KLHL28: variants seen among roughly 807,000 people sequenced by gnomAD.
KLHL28 encodes the protein kelch-like protein 28.
Under a neutral mutation model 48.3 loss-of-function variants are expected in KLHL28, and 22 were observed. That is an observed-to-expected ratio of 0.46 (90% CI 0.33 to 0.65). The LOEUF (loss-of-function observed/expected upper bound fraction) is 0.65. KLHL28 is among the 30% of genes least tolerant of loss of function. The pLI is 0.03. For synonymous variants in KLHL28, 243 were observed against 242.4 expected (o/e 1.00, Z -0.02); for missense variants, 527 against 704.3 (o/e 0.75, Z 2.85).
At position 44,934,106 on chromosome 14, in the gene KLHL28, G is replaced by C. The variant is rs1178806872; in HGVS notation, c.1343+9C>G. ...TAAACATATGCAATTTAATTATTAAGTTAAATACCTGTTCATGTGGGCAGG... is the reference window on the plus strand; with the variant it reads ...TAAACATATGCAATTTAATTATTAACTTAAATACCTGTTCATGTGGGCAGG... On this transcript the variant is annotated intron_variant, in intron 3 of 4. Coordinates refer to ENST00000396128, the MANE Select transcript of KLHL28 (RefSeq NM_017658.5). 1 of 1,570,686 alleles carries C rather than the reference G, an allele frequency of 6.4e-7. No individual in the cohort carries two copies. The highest frequency in any genetic ancestry group is 8.7e-7 in the Non-Finnish European group (1 of 1,153,288).
intron 2 of KLHL28, among the ~76,000 whole-genome samples, chr14:44,942,699 C>A (rs1227512436): frequency 6.6e-6 from 1 of 152,110 alleles, no homozygotes; most frequent in African/African-American, 2.4e-5. Flanking sequence ...GTACATTCCT[C>A]GTGACCTTTC....
At chr14:44,933,469 C>T (rs1411544647) in intron 3 of KLHL28, among the ~76,000 whole-genome samples, 1 of 151,978 alleles carries the variant, frequency 6.6e-6, no homozygotes, top group African/African-American at 2.4e-5. Context: ...AACCACCACA[C>T]CTGGCCAAAG....
intron 2 of KLHL28, among the ~76,000 whole-genome samples, chr14:44,943,069 T>C (rs962738385): frequency 7.2e-5 from 11 of 152,192 alleles, no homozygotes; most frequent in African/African-American, 2.7e-4. Context: ...AATTTTATTA[T>C]GATAGATTCT....
Position 44,945,537 on chromosome 14 carries a change from T to C in KLHL28, c.392A>G (p.Gln131Arg). The change falls in exon 2 of 5, where the codon CAA becomes CGA. Residue 131 changes from glutamine (Q) to arginine (R), a missense_variant. Coordinates refer to ENST00000396128, the MANE Select transcript of KLHL28 (RefSeq NM_017658.5). ...TCCAATACAATTACCAGGATCAAGT[T>C]GGCTTTCAAGAAATGCACAACATTC... is the stretch of plus-strand genomic sequence containing the variant. ...LKECCAFLES[Q>R]LDPGNCIGIS... The C allele has an allele frequency of 6.2e-7, 1 of 1,614,210 alleles. No homozygotes were observed. Among genetic ancestry groups the C allele is most frequent in the Non-Finnish European group, 8.5e-7 (1 of 1,180,038 alleles).
chr14:44,947,655 T>C lies in KLHL28; in HGVS notation c.1-1727A>G, dbSNP rs954479708. Among the ~76,000 whole-genome samples the C allele has an allele frequency of 2.8e-4, 42 of 152,216 alleles. 1 individual carries two copies. Among genetic ancestry groups the C allele is most frequent in the African/African-American group, 8.2e-4 (34 of 41,470 alleles). ...ATAAATTCAAACATTTTGAACACTATTGAGAGAGTATAGCACTTCATTCTT... is the reference window on the plus strand; with the variant it reads ...ATAAATTCAAACATTTTGAACACTACTGAGAGAGTATAGCACTTCATTCTT... On this transcript the variant is annotated intron_variant, in intron 1 of 4. Coordinates refer to ENST00000396128, the MANE Select transcript of KLHL28 (RefSeq NM_017658.5).
At chr14:44,947,015 C>T (rs1884366979) in intron 1 of KLHL28, among the ~76,000 whole-genome samples, 1 of 152,090 alleles carries the variant, frequency 6.6e-6, no homozygotes, top group African/African-American at 2.4e-5. Context: ...AATAATGGCT[C>T]CCCAAATGAC....
intron 1 of KLHL28, among the ~76,000 whole-genome samples, chr14:44,948,557 A>G (rs759759765): frequency 2.0e-5 from 3 of 152,132 alleles, no homozygotes; most frequent in Non-Finnish European, 4.4e-5. Flanking sequence ...GATTCTCTAA[A>G]GTATAAAGTT....
intron 1 of KLHL28, among the ~76,000 whole-genome samples, chr14:44,957,791 A>C (rs1884855472): frequency 1.3e-5 from 2 of 152,178 alleles, no homozygotes; most frequent in African/African-American, 2.4e-5. Flanking sequence ...TGTAATTCTT[A>C]AATATTCTAT....
chr14:44,933,310 TTTC>T (rs1418780847), intron 3 of KLHL28, among the ~76,000 whole-genome samples: 3 of 147,070 alleles, frequency 2.0e-5, no homozygotes, highest in African/African-American at 7.5e-5. Context: ...CTTTTCTTTC[TTTC>T]TTTTTTTTTT....
At chr14:44,954,308 A>G (rs1375281678) in intron 1 of KLHL28, among the ~76,000 whole-genome samples, 1 of 152,238 alleles carries the variant, frequency 6.6e-6, no homozygotes, top group Non-Finnish European at 1.5e-5. Context: ...ACTGGCAAAA[A>G]TGTATAAAGA....
intron 2 of KLHL28, among the ~76,000 whole-genome samples, chr14:44,940,557 C>G (rs1368409031): frequency 2.6e-5 from 4 of 152,164 alleles, no homozygotes; most frequent in Non-Finnish European, 5.9e-5. Flanking sequence ...AAGTTACCTA[C>G]CCAATCCCCA....
chr14:44,931,041 T>C (rs138985688), intron 4 of KLHL28, among the ~76,000 whole-genome samples: 296 of 152,332 alleles, frequency 1.9e-3, no homozygotes, highest in African/African-American at 6.8e-3. Flanking sequence ...ATTTGTTACA[T>C]GGACAAAAGG....
At chr14:44,948,511 G>A (rs1008556407) in intron 1 of KLHL28, among the ~76,000 whole-genome samples, 3 of 152,016 alleles carry the variant, frequency 2.0e-5, no homozygotes, top group Non-Finnish European at 4.4e-5. Context: ...CATAAAATAA[G>A]AATACCCCAC....
chr14:44,937,580 G>A (rs1883879120), intron 2 of KLHL28, among the ~76,000 whole-genome samples: 1 of 152,210 alleles, frequency 6.6e-6, no homozygotes, highest in South Asian at 2.1e-4. Context: ...GATTTCTGGA[G>A]ATGATTTAGC....
rs956548451 is a variant in KLHL28, at chr14:44,955,972, A to C, written c.-1+5874T>G. On this transcript the variant is annotated intron_variant, in intron 1 of 4. Coordinates refer to ENST00000396128, the MANE Select transcript of KLHL28 (RefSeq NM_017658.5). ...AGATATTTTAAATGCATGAGTTAAT[A>C]ATGATACTTAAAAAAAGTCCTAATG... Among the ~76,000 whole-genome samples, 4 of 152,232 alleles carry C rather than the reference A, an allele frequency of 2.6e-5. No individual in the cohort carries two copies. The South Asian group carries it at 6.2e-4, about 24-fold the overall frequency.
chr14:44,945,309 T>A lies in KLHL28; in HGVS notation c.620A>T (p.Lys207Met), dbSNP rs756096774. The change falls in exon 2 of 5, where the codon AAG (lysine) becomes ATG (methionine). Residue 207 changes from lysine (K) to methionine (M), a missense_variant. Coordinates refer to ENST00000396128, the MANE Select transcript of KLHL28 (RefSeq NM_017658.5). Reference sequence around the variant, plus strand: ...TTTCTGGCGTTCTTGTACATCATACTTGATCCAAGACTCTAATGCATAAAA... The same window carrying A: ...TTTCTGGCGTTCTTGTACATCATACATGATCCAAGACTCTAATGCATAAAA... Reference protein sequence around the residue: ...TVFYALESWIKYDVQERQKYL... With the variant: ...TVFYALESWIMYDVQERQKYL... 1.2e-6 allele frequency: 2 copies of A among 1,614,172 alleles called. No homozygotes were observed. The highest frequency in any genetic ancestry group is 3.3e-5 in the Admixed American group (2 of 60,024).
At chr14:44,952,951 A>T (rs899949278) in intron 1 of KLHL28, among the ~76,000 whole-genome samples, 6 of 152,108 alleles carry the variant, frequency 3.9e-5, no homozygotes, top group Non-Finnish European at 1.5e-5. Context: ...TAAAAGCATT[A>T]ATTTTAGAGT....
chr14:44,936,915 G>A (rs1165285303), intron 2 of KLHL28, among the ~76,000 whole-genome samples: 1 of 152,158 alleles, frequency 6.6e-6, no homozygotes. Flanking sequence ...TCCTGAAAGG[G>A]ACAAAGACTC....
Position 44,945,302 on chromosome 14 carries a change from A to T in KLHL28, c.627T>A (p.Asp209Glu). Residue 209 changes from aspartate (D) to glutamate (E), a missense_variant, in exon 2 of 5, where the codon GAT becomes GAA. By Grantham distance (45) the Asp-to-Glu change is conservative. Coordinates refer to ENST00000396128, the MANE Select transcript of KLHL28 (RefSeq NM_017658.5). ...CTAAGTATTTCTGGCGTTCTTGTAC[A>T]TCATACTTGATCCAAGACTCTAATG... ...FYALESWIKY[D>E]VQERQKYLAQ... 1.9e-6 allele frequency: 3 copies of T among 1,614,186 alleles called. No homozygotes were observed. Among genetic ancestry groups the T allele is most frequent in the Non-Finnish European group, 2.5e-6 (3 of 1,180,022 alleles).
Sources: allele counts gnomAD v4.1 joint callset (sites outside exome capture counted in the v4.1 genomes callset), GRCh38; gene constraint gnomAD v4.1.1; transcripts MANE v1.5; gene names NCBI Gene and HGNC (gene_info 2026-07-23, HGNC 2026-07-21).